The following DNAJC17 variants were observed in gnomAD, a reference collection of about 807,000 sequenced individuals.
The protein encoded by DNAJC17 is DnaJ heat shock protein family (Hsp40) member C17.
Under a neutral mutation model 48.1 loss-of-function variants are expected in DNAJC17, and 35 were observed. The ratio of observed to expected loss-of-function variants is 0.73; its 90% confidence interval spans 0.56 to 0.96. DNAJC17 has a LOEUF of 0.96. Among genes scored for constraint, DNAJC17 ranks in the 50% least tolerant of loss-of-function variants. The pLI is 0.00. For missense variants in DNAJC17, 355 were observed against 377.1 expected (o/e 0.94, Z 0.48); for synonymous variants, 117 against 142.7 (o/e 0.82, Z 1.28).
chr15:40,792,461 A>T, intron 1 of DNAJC17: 1 of 985,370 alleles, frequency 1.0e-6, no homozygotes, highest in Middle Eastern at 5.2e-4. Context: ...ACCTGCCAAG[A>T]TGAATGAGCT....
chr15:40,782,496 G>A (rs896481248), intron 1 of DNAJC17, among the ~76,000 whole-genome samples: 7 of 152,044 alleles, frequency 4.6e-5, no homozygotes, highest in South Asian at 2.1e-4. Context: ...ATTCTCTTTC[G>A]TGTGCTACCT....
chr15:40,775,218 C>T (rs1889285712), intron 7 of DNAJC17, 110 bp from the exon 8 acceptor site: 2 of 1,201,430 alleles, frequency 1.7e-6, no homozygotes, highest in Non-Finnish European at 2.4e-6. Context: ...GCCTCCAAGG[C>T]TCCTGCAATC....
intron 1 of DNAJC17, among the ~76,000 whole-genome samples, chr15:40,796,358 G>A (rs1034685650): frequency 1.3e-5 from 2 of 152,214 alleles, no homozygotes; most frequent in Non-Finnish European, 2.9e-5. Flanking sequence ...AGATAAGGGT[G>A]TGGGGCTAGC....
chr15:40,774,917 A>AC, intron 8 of DNAJC17, 114 bp downstream of exon 8: 1 of 1,145,596 alleles, frequency 8.7e-7, no homozygotes, highest in Non-Finnish European at 1.3e-6. Flanking sequence ...GAGACAGAAA[A>AC]AAAAAGCAAG....
rs563474521 is a variant in DNAJC17 at position 40,773,835 on chromosome 15, C to T, written c.684G>A (p.Glu228=). Residue 228 remains glutamate (E), a splice_region_variant and synonymous_variant, in exon 10 of 11, where the codon GAG becomes GAA. Coordinates refer to ENST00000220496, the MANE Select transcript of DNAJC17 (RefSeq NM_018163.3). ...VVEFATVKAA[E]LAVQNEVGLV... ...GGCCAACTTCATTCTGGACAGCCAGCTCCTGCCAAACACAGCATCTAGTCC... is the reference window on the plus strand; with the variant it reads ...GGCCAACTTCATTCTGGACAGCCAGTTCCTGCCAAACACAGCATCTAGTCC... The T allele has an allele frequency of 3.3e-5, 53 of 1,613,356 alleles. No homozygotes were observed. Among genetic ancestry groups the T allele is most frequent in the Non-Finnish European group, 4.5e-5 (53 of 1,179,626 alleles).
chr15:40,793,129 G>A (rs1051324766), intron 1 of DNAJC17, among the ~76,000 whole-genome samples: 2 of 151,474 alleles, frequency 1.3e-5, no homozygotes, highest in Admixed American at 6.6e-5. Flanking sequence ...TCCTGACCTC[G>A]TGATCTGCCC....
At chr15:40,778,912 T>C (rs1174724888) in intron 4 of DNAJC17, among the ~76,000 whole-genome samples, 1 of 152,160 alleles carries the variant, frequency 6.6e-6, no homozygotes, top group Non-Finnish European at 1.5e-5. Flanking sequence ...CCAGCCTAGG[T>C]GACAGGGTGA....
Position 40,774,437 on chromosome 15 carries a change from C to T in DNAJC17, c.601-1G>A, listed in dbSNP as rs938374697. On this transcript the variant is annotated splice_acceptor_variant, in intron 8 of 10. Coordinates refer to ENST00000220496, the MANE Select transcript of DNAJC17 (RefSeq NM_018163.3). LOFTEE classifies it high-confidence loss of function. ...GCACCAGGTTGAGAACCTCACCATA[C>T]TGTGGGGACAAAGGGGTCCTAATAA... is the stretch of plus-strand genomic sequence containing the variant. The T allele has an allele frequency of 6.2e-7, 1 of 1,613,982 alleles. No individual in the cohort carries two copies. The highest frequency in any genetic ancestry group is 8.5e-7 in the Non-Finnish European group (1 of 1,180,014).
intron 1 of DNAJC17, among the ~76,000 whole-genome samples, chr15:40,800,480 T>A (rs886647041): frequency 6.6e-6 from 1 of 151,586 alleles, no homozygotes; most frequent in African/African-American, 2.4e-5. Flanking sequence ...TGAGATTGTC[T>A]TTTTCTTTTT....
intron 1 of DNAJC17, among the ~76,000 whole-genome samples, chr15:40,785,613 TA>T (rs1312657643): frequency 6.6e-6 from 1 of 152,144 alleles, no homozygotes. Context: ...TGGAAGAGGG[TA>T]AACTGTGACA....
At chr15:40,777,142 T>C (rs7175711) in intron 4 of DNAJC17, among the ~76,000 whole-genome samples, 83,810 of 151,976 alleles carry the variant, frequency 0.55, 24,023 homozygotes, top group African/African-American at 0.7. Context: ...CCCCGGGTCC[T>C]GGATTGTGTG....
intron 1 of DNAJC17, among the ~76,000 whole-genome samples, chr15:40,803,540 G>A (rs1298611424): frequency 1.3e-5 from 2 of 152,214 alleles, no homozygotes; most frequent in African/African-American, 4.8e-5. Flanking sequence ...AAAATAGACT[G>A]TATGTATTAA....
rs1320007768 is a variant in DNAJC17 at position 40,807,384 on chromosome 15, C to T, written c.63G>A (p.Lys21=). The T allele has an allele frequency of 1.2e-6, 2 of 1,614,278 alleles. No individual in the cohort carries two copies. The highest frequency in any genetic ancestry group is 1.7e-6 in the Non-Finnish European group (2 of 1,180,054). Residue 21 remains lysine, a synonymous_variant, in exon 1 of 11, where the codon AAG becomes AAA. Coordinates refer to ENST00000220496, the MANE Select transcript of DNAJC17 (RefSeq NM_018163.3). ...CCGTTCTCACCTCTTTGTCCGCTGC[C>T]TTCTCCTCAATGCCTAGCAGCGCGT... is the stretch of plus-strand genomic sequence containing the variant. ...DLYALLGIEE[K]AADKEVKKAY...
At chr15:40,781,615 A>C (rs964936775) in intron 1 of DNAJC17, among the ~76,000 whole-genome samples, 8 of 152,018 alleles carry the variant, frequency 5.3e-5, no homozygotes, top group African/African-American at 7.3e-5. Context: ...TCTGACATAG[A>C]TCTTATTATA....
In DNAJC17 at chr15:40,776,553, G is replaced by T; in HGVS notation, c.370C>A (p.Leu124Ile). 1 of 1,614,044 alleles carries T rather than the reference G, an allele frequency of 6.2e-7. No individual in the cohort carries two copies. The highest frequency in any genetic ancestry group is 8.5e-7 in the Non-Finnish European group (1 of 1,180,020). Residue 124 changes from leucine (L) to isoleucine (I), a missense_variant, in exon 5 of 11, where the codon CTA (leucine) becomes ATA (isoleucine). Around this residue, in one of 3 missense-constraint regions of DNAJC17, gnomAD observed 199 missense variants for 199.9 expected, o/e 1.00. Coordinates refer to ENST00000220496, the MANE Select transcript of DNAJC17 (RefSeq NM_018163.3). ...EEEESRSTRTLEQEIERLREE... is the reference protein window; with the variant it reads ...EEEESRSTRTIEQEIERLREE... The stretch of plus-strand genomic sequence containing the variant: ...GCCTGAGTGCTCACCTCTTGCTCTA[G>T]TGTCCTGGTGCTCCGGCTCTCCTCT...
intron 1 of DNAJC17, among the ~76,000 whole-genome samples, chr15:40,798,915 T>C (rs1890004121): frequency 6.6e-6 from 1 of 152,106 alleles, no homozygotes. Flanking sequence ...TGTGAGTGTG[T>C]GTGTAAGAAT....
Position 40,776,638 on chromosome 15 carries a change from G to A in DNAJC17, c.296-11C>T. ...CCCGGGCCTCCAGGTCTAGACACAA[G>A]GGTTGAATGACCAGACTGCTGGTCT... On this transcript the variant is annotated splice_polypyrimidine_tract_variant and intron_variant, in intron 4 of 10. Transcript: ENST00000220496. The A allele has an allele frequency of 1.1e-5, 17 of 1,613,696 alleles. No individual in the cohort carries two copies. Among genetic ancestry groups the A allele is most frequent in the Non-Finnish European group, 1.4e-5 (17 of 1,179,928 alleles).
At chr15:40,805,375 CAA>C (rs559577744) in intron 1 of DNAJC17, among the ~76,000 whole-genome samples, 25 of 107,884 alleles carry the variant, frequency 2.3e-4, no homozygotes, top group Non-Finnish European at 1.8e-4. Context: ...TACTCTGTCT[CAA>C]AAAAAAAAAA....
intron 4 of DNAJC17, among the ~76,000 whole-genome samples, chr15:40,777,664 G>A (rs184852838): frequency 1.0e-3 from 153 of 151,806 alleles, no homozygotes; most frequent in Middle Eastern, 6.8e-3. Flanking sequence ...GTTGAAGTGA[G>A]CCGAGATCGT....
Sources: allele counts gnomAD v4.1 joint callset (sites outside exome capture counted in the v4.1 genomes callset), GRCh38; gene constraint gnomAD v4.1.1; regional missense constraint gnomAD v4.1.1; transcripts MANE v1.5; gene names NCBI Gene and HGNC (gene_info 2026-07-23, HGNC 2026-07-21).